DGLUCY: variants seen among roughly 807,000 people sequenced by gnomAD.
DGLUCY encodes D-glutamate cyclase, also known as D-glutamate cyclase, mitochondrial.
Under a neutral mutation model 58.5 loss-of-function variants are expected in DGLUCY, and 58 were observed. The observed-to-expected ratio is 0.99, with a 90% CI of 0.80 to 1.23. The LOEUF (loss-of-function observed/expected upper bound fraction) is 1.23. Ranked by LOEUF, DGLUCY falls within the 50% of genes most tolerant of loss-of-function variation. The pLI is 0.00. For missense variants in DGLUCY, 779 were observed against 784.7 expected (o/e 0.99, Z 0.09); for synonymous variants, 325 against 314.1 (o/e 1.03, Z -0.37).
At chr14:91,084,364 C>T (rs978667602) in intron 1 of DGLUCY, among the ~76,000 whole-genome samples, 4 of 151,910 alleles carry the variant, frequency 2.6e-5, no homozygotes, top group Non-Finnish European at 4.4e-5. Flanking sequence ...CCACCATGCT[C>T]GGCTAATTTT....
rs527988990 is a variant in DGLUCY, at chr14:91,196,700, A to G, written c.1295+226A>G. ...TGGAAGTAACAGGTCCCTGGGCAGC[A>G]GAGAGAGACAGCATATCTTCCTGAT... On this transcript the variant is annotated intron_variant, in intron 10 of 13. Coordinates refer to ENST00000256324, the MANE Select transcript of DGLUCY (RefSeq NM_001102368.3). Among the ~76,000 whole-genome samples the G allele has an allele frequency of 7.8e-4, 118 of 150,426 alleles. 1 individual carries two copies. Among genetic ancestry groups the G allele is most frequent in the African/African-American group, 2.5e-3 (103 of 40,718 alleles).
intron 1 of DGLUCY, among the ~76,000 whole-genome samples, chr14:91,131,231 C>T (rs1412767852): frequency 1.3e-5 from 2 of 152,114 alleles, no homozygotes; most frequent in African/African-American, 4.8e-5. Flanking sequence ...ATTATAGACA[C>T]GGAATATCAT....
rs558049208 is a variant in DGLUCY, at chr14:91,095,103, C to G, written c.-82+34399C>G. 5.9e-4 allele frequency among the ~76,000 whole-genome samples: 90 copies of G among 152,146 alleles called. 1 individual carries two copies. The highest frequency in any genetic ancestry group is 4.2e-3 in the Admixed American group (64 of 15,270). The stretch of plus-strand genomic sequence containing the variant: ...AGCACCCATGAGAAATTCCCCCTGC[C>G]CCCCCAGTTCATTTGCCCCTGAAAG... On this transcript the variant is annotated intron_variant, in intron 1 of 4. Transcript: ENST00000521334.
chr14:91,071,273 G>A (rs1016172544), intron 1 of DGLUCY, among the ~76,000 whole-genome samples: 1 of 148,728 alleles, frequency 6.7e-6, no homozygotes, highest in Non-Finnish European at 1.5e-5. Context: ...GGAGGCAGAG[G>A]TTGCAGTAAG....
chr14:91,083,126 T>A (rs2044154908), intron 1 of DGLUCY, among the ~76,000 whole-genome samples: 1 of 152,178 alleles, frequency 6.6e-6, no homozygotes, highest in Admixed American at 6.5e-5. Context: ...TATGCCTACA[T>A]GTTGGGAATA....
intron 1 of DGLUCY, among the ~76,000 whole-genome samples, chr14:91,155,797 CAAA>C (rs543323125): frequency 6.2e-5 from 6 of 96,454 alleles, no homozygotes; most frequent in East Asian, 2.9e-4. Context: ...ACCCTGTTTC[CAAA>C]AAAAAAAAAA....
chr14:91,193,219 G>A (rs750157258), intron 9 of DGLUCY, among the ~76,000 whole-genome samples: 4 of 152,196 alleles, frequency 2.6e-5, no homozygotes, highest in East Asian at 1.9e-4. Context: ...GAAAGGCCTC[G>A]GGAGGAAGGG....
chr14:91,144,551 C>T lies in DGLUCY; in HGVS notation c.-81-13088C>T, dbSNP rs74083975. Among the ~76,000 whole-genome samples the T allele has an allele frequency of 9.4e-3, 1,434 of 152,222 alleles. 15 individuals carry two copies. The highest frequency in any genetic ancestry group is 0.033 in the African/African-American group (1,366 of 41,520). On this transcript the variant is annotated intron_variant, in intron 1 of 13. Transcript: ENST00000256324. ...CTCCAGCCTTAGCAACAGAGCAAGA[C>T]TGCGTATCACAAAAAAAGGAGTCAT...
chr14:91,182,585 A>C (rs895270218), intron 8 of DGLUCY, among the ~76,000 whole-genome samples: 2 of 152,192 alleles, frequency 1.3e-5, no homozygotes, highest in Non-Finnish European at 2.9e-5. Flanking sequence ...GGCATAAGCC[A>C]CCTAGCCTGT....
intron 8 of DGLUCY, 48 bp downstream of exon 8, chr14:91,181,437 A>G (rs2049161937): frequency 6.4e-7 from 1 of 1,553,528 alleles, no homozygotes. Flanking sequence ...AAGAAACAAC[A>G]CATTTGCACC....
At chr14:91,115,164 G>A (rs1387230706) in intron 1 of DGLUCY, 4 of 152,674 alleles carry the variant, frequency 2.6e-5, no homozygotes, top group Admixed American at 2.0e-4. Context: ...TATGTTGGCA[G>A]GAAGAATGTT....
At chr14:91,116,590 T>C (rs1189289186) in intron 1 of DGLUCY, among the ~76,000 whole-genome samples, 1 of 152,118 alleles carries the variant, frequency 6.6e-6, no homozygotes, top group Non-Finnish European at 1.5e-5. Context: ...TTGGACCTTG[T>C]GCAAGAAGCA....
intron 7 of DGLUCY, among the ~76,000 whole-genome samples, chr14:91,178,985 C>G (rs973103910): frequency 3.9e-5 from 6 of 152,140 alleles, no homozygotes; most frequent in African/African-American, 7.2e-5. Context: ...GATCTCACCA[C>G]TGCACTCCAG....
intron 1 of DGLUCY, among the ~76,000 whole-genome samples, chr14:91,068,079 G>GCGCACACACACACACACACACACA (rs375738080): frequency 6.8e-6 from 1 of 146,342 alleles, no homozygotes; most frequent in African/African-American, 2.6e-5. Flanking sequence ...ACACGCGCAC[G>GCGCACACACACACACACACACACA]CACACACACA....
intron 1 of DGLUCY, among the ~76,000 whole-genome samples, chr14:91,129,443 A>T (rs1294686325): frequency 6.6e-6 from 1 of 152,084 alleles, no homozygotes; most frequent in Non-Finnish European, 1.5e-5. Flanking sequence ...TGCTGTATAT[A>T]AGAATATGCT....
intron 12 of DGLUCY, among the ~76,000 whole-genome samples, chr14:91,210,904 G>A (rs1885580510): frequency 6.6e-6 from 1 of 152,148 alleles, no homozygotes; most frequent in East Asian, 1.9e-4. Flanking sequence ...TAAACAGATT[G>A]GGAAGGAATA....
intron 1 of DGLUCY, among the ~76,000 whole-genome samples, chr14:91,066,825 A>T (rs1360232299): frequency 6.6e-6 from 1 of 152,078 alleles, no homozygotes; most frequent in Non-Finnish European, 1.5e-5. Flanking sequence ...TCACGCCTGT[A>T]ATCCCAGCAC....
At chr14:91,068,087 A>G (rs1044423308) in intron 1 of DGLUCY, among the ~76,000 whole-genome samples, 161 of 138,148 alleles carry the variant, frequency 1.2e-3, no homozygotes, top group East Asian at 2.5e-3. Context: ...ACGCACACAC[A>G]CACACACACA....
chr14:91,155,433 C>T (rs750472876), intron 1 of DGLUCY, among the ~76,000 whole-genome samples: 2 of 152,196 alleles, frequency 1.3e-5, no homozygotes, highest in Non-Finnish European at 2.9e-5. Flanking sequence ...CTCTGGTTTC[C>T]TGGCATACAA....
Sources: allele counts gnomAD v4.1 joint callset (sites outside exome capture counted in the v4.1 genomes callset), GRCh38; gene constraint gnomAD v4.1.1; transcripts MANE v1.5; gene names NCBI Gene and HGNC (gene_info 2026-07-23, HGNC 2026-07-21).